The following NRXN3 variants were observed in gnomAD, a reference collection of about 807,000 sequenced individuals.
NRXN3 encodes the protein neurexin 3.
In NRXN3, 32 loss-of-function variants were observed where a neutral mutation model predicts 137.6. That is an observed-to-expected ratio of 0.23 (90% CI 0.18 to 0.31). The LOEUF (loss-of-function observed/expected upper bound fraction) is 0.31, where lower values mean the gene tolerates loss of function less well. Among genes scored for constraint, NRXN3 ranks in the 10% least tolerant of loss-of-function variants. The pLI, the probability that NRXN3 is intolerant of heterozygous loss-of-function variation, is 1.00. For synonymous variants in NRXN3, 798 were observed against 784.5 expected (o/e 1.02, Z -0.29); for missense variants, 1,574 against 2,062.5 (o/e 0.76, Z 4.59).
intron 10 of NRXN3, among the ~76,000 whole-genome samples, chr14:78,910,150 A>C (rs2099232720): frequency 1.3e-5 from 2 of 152,060 alleles, no homozygotes; most frequent in Admixed American, 6.6e-5. Flanking sequence ...TGTAGGAGAG[A>C]GTTCACTGGG....
intron 15 of NRXN3, among the ~76,000 whole-genome samples, chr14:79,461,187 A>G (rs964973220): frequency 6.6e-6 from 1 of 152,124 alleles, no homozygotes; most frequent in Non-Finnish European, 1.5e-5. Flanking sequence ...TCTTTATCCC[A>G]TTAGTCATTG....
chr14:78,449,613 C>T (rs574762416), intron 4 of NRXN3, among the ~76,000 whole-genome samples: 11 of 152,294 alleles, frequency 7.2e-5, no homozygotes, highest in African/African-American at 9.6e-5. Flanking sequence ...GTTTATATCA[C>T]GCACCATTTA....
chr14:79,544,695 G>C (rs1405171052), intron 16 of NRXN3, among the ~76,000 whole-genome samples: 2 of 152,174 alleles, frequency 1.3e-5, no homozygotes, highest in Non-Finnish European at 2.9e-5. Flanking sequence ...AAGGAGCGAA[G>C]AGCCTAGATC....
At chr14:78,613,083 C>T (rs1240385382) in intron 4 of NRXN3, among the ~76,000 whole-genome samples, 1 of 152,182 alleles carries the variant, frequency 6.6e-6, no homozygotes, top group East Asian at 1.9e-4. Flanking sequence ...AAAGCAAGTC[C>T]TTGACCAAAG....
intron 6 of NRXN3, chr14:78,697,862 T>C (rs2098242656): frequency 6.6e-6 from 1 of 152,038 alleles, no homozygotes; most frequent in Admixed American, 6.6e-5. Context: ...ATTCTTCCTA[T>C]CACTTTCCCC....
intron 10 of NRXN3, among the ~76,000 whole-genome samples, chr14:78,828,223 A>G (rs1350558393): frequency 6.6e-6 from 1 of 152,218 alleles, no homozygotes; most frequent in Non-Finnish European, 1.5e-5. Flanking sequence ...CGTGTTTGGA[A>G]GGCAGTCTAA....
intron 4 of NRXN3, among the ~76,000 whole-genome samples, chr14:78,490,598 C>T (rs754508043): frequency 9.9e-5 from 15 of 152,096 alleles, no homozygotes; most frequent in Non-Finnish European, 2.1e-4. Flanking sequence ...TGTTTAAAAA[C>T]ATGTATATAT....
chr14:78,615,774 C>T (rs568356160), intron 4 of NRXN3, among the ~76,000 whole-genome samples: 1 of 151,666 alleles, frequency 6.6e-6, no homozygotes, highest in Non-Finnish European at 1.5e-5. Context: ...GTCTCTACCC[C>T]CAAAAAAAAC....
At chr14:78,230,361 T>C (rs1022073320) in intron 1 of NRXN3, among the ~76,000 whole-genome samples, 2 of 151,924 alleles carry the variant, frequency 1.3e-5, no homozygotes, top group African/African-American at 4.8e-5. Flanking sequence ...TGGCAGTGAC[T>C]TCCTCAGCAA....
At chr14:78,862,488 A>G (rs1487842823) in intron 10 of NRXN3, among the ~76,000 whole-genome samples, 1 of 152,122 alleles carries the variant, frequency 6.6e-6, no homozygotes, top group African/African-American at 2.4e-5. Flanking sequence ...AGGATTACAG[A>G]ACTTGGATAA....
chr14:79,737,802 C>A (rs2098947345), intron 19 of NRXN3, among the ~76,000 whole-genome samples: 1 of 152,036 alleles, frequency 6.6e-6, no homozygotes, highest in Non-Finnish European at 1.5e-5. Context: ...AAGCAGTCCT[C>A]CCTGGTTGGC....
At chr14:78,481,265 A>G (rs1351139929) in intron 4 of NRXN3, among the ~76,000 whole-genome samples, 3 of 152,206 alleles carry the variant, frequency 2.0e-5, no homozygotes, top group Non-Finnish European at 4.4e-5. Context: ...GCTGTGCAAA[A>G]TGAGTCTTAA....
chr14:79,382,684 A>G (rs1330550727), intron 15 of NRXN3, among the ~76,000 whole-genome samples: 1 of 152,182 alleles, frequency 6.6e-6, no homozygotes, highest in African/African-American at 2.4e-5. Flanking sequence ...CAAAGAGACT[A>G]GGGAGCCGGA....
At chr14:79,736,863 T>C (rs1318261321) in intron 19 of NRXN3, among the ~76,000 whole-genome samples, 4 of 152,176 alleles carry the variant, frequency 2.6e-5, no homozygotes, top group Admixed American at 2.6e-4. Flanking sequence ...TGTGTATGAA[T>C]AAGGCTTATT....
intron 16 of NRXN3, among the ~76,000 whole-genome samples, chr14:79,571,585 G>C (rs1207311868): frequency 6.6e-6 from 1 of 152,154 alleles, no homozygotes; most frequent in Non-Finnish European, 1.5e-5. Flanking sequence ...TTTGTTTCAA[G>C]TCTTTTGATC....
Position 79,162,108 on chromosome 14 carries a change from GTTT to G in NRXN3, c.3262+173977_3262+173979del, listed in dbSNP as rs3035610. 4.4e-3 allele frequency among the ~76,000 whole-genome samples: 654 copies of G among 147,616 alleles called. 6 individuals are homozygous for G. The highest frequency in any genetic ancestry group is 0.013 in the East Asian group (66 of 4,990). On this transcript the variant is annotated intron_variant, in intron 15 of 20. Transcript: ENST00000335750. Reference sequence around the variant, plus strand: ...ATTAGTTTACTTATTTTTTGTTTTTGTTTTTTTTTTTTGTGGTTAGCTTTTCTT... The same window carrying G: ...ATTAGTTTACTTATTTTTTGTTTTTGTTTTTTTTTGTGGTTAGCTTTTCTT...
intron 15 of NRXN3, among the ~76,000 whole-genome samples, chr14:79,068,744 A>G (rs1352213129): frequency 6.6e-6 from 1 of 152,120 alleles, no homozygotes; most frequent in East Asian, 1.9e-4. Context: ...GCACAACTCA[A>G]TAAATATGTA....
intron 10 of NRXN3, among the ~76,000 whole-genome samples, chr14:78,909,882 A>G (rs193010419): frequency 6.6e-6 from 1 of 152,166 alleles, no homozygotes; most frequent in Admixed American, 6.6e-5. Context: ...CTATCTATTT[A>G]TCTGTCAATC....
chr14:79,770,342 C>A (rs1825391898), intron 19 of NRXN3, among the ~76,000 whole-genome samples: 1 of 151,554 alleles, frequency 6.6e-6, no homozygotes, highest in Non-Finnish European at 1.5e-5. Flanking sequence ...CACCACACCA[C>A]ACCTATTCCA....
Sources: allele counts gnomAD v4.1 joint callset (sites outside exome capture counted in the v4.1 genomes callset), GRCh38; gene constraint gnomAD v4.1.1; transcripts MANE v1.5; gene names NCBI Gene and HGNC (gene_info 2026-07-23, HGNC 2026-07-21).